Variants in EIF2AK4 observed in about 807,000 individuals in gnomAD.
The protein encoded by EIF2AK4 is eukaryotic translation initiation factor 2 alpha kinase 4.
A neutral mutation model predicts 211.1 loss-of-function variants in EIF2AK4; 139 were observed. The ratio of observed to expected loss-of-function variants is 0.66; its 90% CI spans 0.57 to 0.76. EIF2AK4 has a LOEUF of 0.76. Among genes scored for constraint, EIF2AK4 ranks in the 30% least tolerant of loss-of-function variants. EIF2AK4 has a pLI of 0.00. For missense variants in EIF2AK4, 1,664 were observed against 2,043.8 expected (o/e 0.81, Z 3.58); for synonymous variants, 710 against 751.3 (o/e 0.94, Z 0.90).
At chr15:39,978,497 C>G (rs2140920030) in intron 13 of EIF2AK4, among the ~76,000 whole-genome samples, 1 of 152,246 alleles carries the variant, frequency 6.6e-6, no homozygotes, top group South Asian at 2.1e-4. Flanking sequence ...ATGGAGTTAC[C>G]TCATCATGGA....
chr15:39,992,762 C>T lies in EIF2AK4; in HGVS notation c.2687-7C>T, dbSNP rs766026231. ...GGGACGTTTTCCCTCTGTTTTCCTC[C>T]ACACAGGTCACTTAACTGGGATGGT... On this transcript the variant is annotated splice_region_variant and splice_polypyrimidine_tract_variant and intron_variant, in intron 17 of 38. Coordinates refer to ENST00000263791, the MANE Select transcript of EIF2AK4 (RefSeq NM_001013703.4). The T allele has an allele frequency of 1.2e-6, 2 of 1,613,816 alleles. No homozygotes were observed. Among genetic ancestry groups the T allele is most frequent in the South Asian group, 1.1e-5 (1 of 91,066 alleles).
At chr15:39,940,534 A>G (rs2034130340) in intron 2 of EIF2AK4, among the ~76,000 whole-genome samples, 1 of 152,248 alleles carries the variant, frequency 6.6e-6, no homozygotes, top group African/African-American at 2.4e-5. Context: ...GTCAGTAACC[A>G]TTCTTGGCCC....
chr15:39,955,894 A>G (rs551222517), intron 6 of EIF2AK4, 126 bp downstream of exon 6: 2 of 892,546 alleles, frequency 2.2e-6, no homozygotes, highest in South Asian at 2.7e-5. Context: ...CAAACCTTAT[A>G]TATCTTAATA....
chr15:39,992,742 GT>G, intron 17 of EIF2AK4, 26 bp from the exon 18 acceptor site: 1 of 1,605,308 alleles, frequency 6.2e-7, no homozygotes, highest in Non-Finnish European at 8.5e-7. Context: ...TTATTGGGAC[GT>G]TTTCCCTCTG....
In EIF2AK4 at chr15:39,990,376, C is replaced by T. The variant is rs1293724798; in HGVS notation, c.2630C>T (p.Ser877Phe). The T allele has an allele frequency of 2.8e-5, 45 of 1,613,038 alleles. No individual in the cohort carries two copies. Among genetic ancestry groups the T allele is most frequent in the Non-Finnish European group, 3.8e-5 (45 of 1,179,290 alleles). Residue 877 changes from serine (S) to phenylalanine (F), a missense_variant and splice_region_variant, in exon 16 of 39, where the codon TCT becomes TTT. Physicochemically the swap from Ser to Phe is radical, Grantham distance 155. This residue lies in a region of EIF2AK4 where 622 missense variants were observed against 796.8 expected (regional missense o/e 0.78). Transcript: ENST00000263791. The part of the protein sequence containing the change: ...FGLATDHLAF[S>F]ADSKQDDQTG... The stretch of plus-strand genomic sequence containing the variant: ...TTGGCGACAGACCATCTAGCCTTTT[C>T]TGTAAGTATTTTAAAAATTAGACTG...
chr15:39,959,163 A>G (rs1246192828), intron 6 of EIF2AK4, among the ~76,000 whole-genome samples: 2 of 152,204 alleles, frequency 1.3e-5, no homozygotes, highest in Non-Finnish European at 2.9e-5. Flanking sequence ...TCTAGAATAG[A>G]TCATGATGAT....
intron 29 of EIF2AK4, 127 bp downstream of exon 29, chr15:40,017,369 T>A: frequency 1.9e-6 from 2 of 1,070,860 alleles, no homozygotes; most frequent in South Asian, 3.7e-5. Context: ...TCTATTAATA[T>A]ATGTTTCATC....
intron 6 of EIF2AK4, among the ~76,000 whole-genome samples, chr15:39,955,971 A>G (rs1362007077): frequency 6.6e-6 from 1 of 150,896 alleles, no homozygotes; most frequent in South Asian, 2.1e-4. Context: ...CTTTCCAAGT[A>G]TCTATCATGA....
intron 16 of EIF2AK4, among the ~76,000 whole-genome samples, chr15:39,990,818 TGGTGGTTGGGAGTCCAACA>T (rs767308431): frequency 5.0e-4 from 76 of 152,294 alleles, no homozygotes; most frequent in Middle Eastern, 3.4e-3. Flanking sequence ...TGTCCTTAAA[TGGTGGTTGGGAGTCCAACA>T]GGTGGAGGTT....
intron 12 of EIF2AK4, 143 bp downstream of exon 12, chr15:39,976,987 G>C (rs2034707690): frequency 3.6e-6 from 4 of 1,106,894 alleles, no homozygotes; most frequent in Non-Finnish European, 4.7e-6. Context: ...GTCTTGCTCT[G>C]TCACCCAGGC....
chr15:39,985,861 T>G lies in EIF2AK4; in HGVS notation c.2376T>G (p.Thr792=). 6.2e-7 allele frequency: 1 copy of G among 1,614,172 alleles called. No individual in the cohort carries two copies. The highest frequency in any genetic ancestry group is 8.5e-7 in the Non-Finnish European group (1 of 1,180,004). The change falls in exon 14 of 39, where the codon ACT becomes ACG. Residue 792 remains threonine, a synonymous_variant. Coordinates refer to ENST00000263791, the MANE Select transcript of EIF2AK4 (RefSeq NM_001013703.4). ...ATGAAAGTGAGCCATCAGTGACGAC[T>G]GAGGCTGTGCACTACCTATACATCC... The part of the protein sequence containing the change: ...GCHESEPSVT[T]EAVHYLYIQM...
At chr15:39,935,946 A>G (rs1566978554) in intron 1 of EIF2AK4, among the ~76,000 whole-genome samples, 2 of 152,192 alleles carry the variant, frequency 1.3e-5, no homozygotes, top group Admixed American at 6.5e-5. Flanking sequence ...GGGAACTTCT[A>G]TCTTCCCAAA....
chr15:39,974,417 G>T (rs543216345), intron 11 of EIF2AK4: 2 of 152,272 alleles, frequency 1.3e-5, no homozygotes, highest in East Asian at 3.9e-4. Flanking sequence ...ACATATGAAG[G>T]TAACCCACCA....
At chr15:39,938,870 T>C (rs931932353) in intron 1 of EIF2AK4, among the ~76,000 whole-genome samples, 2 of 152,230 alleles carry the variant, frequency 1.3e-5, no homozygotes, top group African/African-American at 4.8e-5. Flanking sequence ...ACATATAATA[T>C]GAACTACTTC....
chr15:39,987,958 A>C, intron 14 of EIF2AK4, 25 bp from the exon 15 acceptor site: 1 of 1,610,568 alleles, frequency 6.2e-7, no homozygotes, highest in Non-Finnish European at 8.5e-7. Flanking sequence ...GTGTAATCAA[A>C]TTCTCCTGGT....
At chr15:40,028,078 CCTT>C (rs2035488625) in intron 33 of EIF2AK4, among the ~76,000 whole-genome samples, 1 of 131,086 alleles carries the variant, frequency 7.6e-6, no homozygotes, top group South Asian at 2.5e-4. Context: ...ATTTGCAACT[CCTT>C]TTTTTTTTTT....
intron 23 of EIF2AK4, among the ~76,000 whole-genome samples, chr15:40,004,843 G>A (rs574459650): frequency 6.6e-5 from 10 of 152,258 alleles, no homozygotes; most frequent in East Asian, 1.9e-4. Context: ...GGCATGAGCC[G>A]CCATGCCCAG....
intron 27 of EIF2AK4, among the ~76,000 whole-genome samples, chr15:40,014,347 C>G (rs142628228): frequency 1.3e-5 from 2 of 152,262 alleles, no homozygotes; most frequent in Non-Finnish European, 2.9e-5. Context: ...AAACTTCTGC[C>G]TGGGCATCCA....
chr15:39,965,276 C>G (rs1390487189), intron 7 of EIF2AK4, among the ~76,000 whole-genome samples: 1 of 152,098 alleles, frequency 6.6e-6, no homozygotes, highest in Non-Finnish European at 1.5e-5. Context: ...TGCCCGCCAC[C>G]AAACCTGGCT....
Sources: allele counts gnomAD v4.1 joint callset (sites outside exome capture counted in the v4.1 genomes callset), GRCh38; gene constraint gnomAD v4.1.1; regional missense constraint gnomAD v4.1.1; transcripts MANE v1.5; gene names NCBI Gene and HGNC (gene_info 2026-07-23, HGNC 2026-07-21).